The following AMPD3 variants were observed in gnomAD, a reference collection of about 807,000 sequenced individuals.
AMPD3 encodes the protein AMP deaminase 3.
In AMPD3, 57 loss-of-function variants were observed where a neutral mutation model predicts 82.3. The ratio of observed to expected loss-of-function variants is 0.69; its 90% CI spans 0.56 to 0.86. The LOEUF is 0.86. Among genes scored for constraint, AMPD3 ranks in the 40% least tolerant of loss-of-function variants. The pLI, the probability that AMPD3 is intolerant of heterozygous loss-of-function variation, is 0.00. For synonymous variants in AMPD3, 381 were observed against 394.7 expected (o/e 0.97, Z 0.41); for missense variants, 870 against 1,003.8 (o/e 0.87, Z 1.80).
At chr11:10,493,569 G>A (rs373774188) in intron 7 of AMPD3, 26 bp downstream of exon 7, 37 of 1,610,486 alleles carry the variant, frequency 2.3e-5, no homozygotes, top group Admixed American at 1.7e-4. Flanking sequence ...CTCCAGTGCC[G>A]CCAGCAGACA....
intron 1 of AMPD3, among the ~76,000 whole-genome samples, chr11:10,459,741 C>A (rs1848203287): frequency 6.6e-6 from 1 of 151,994 alleles, no homozygotes; most frequent in Non-Finnish European, 1.5e-5. Flanking sequence ...CTGTGAGGAG[C>A]CCCTGCCCGG....
rs1000618173 is a variant in AMPD3, at chr11:10,483,595, C to G, written c.590-1225C>G. ...TGGGCATGAGTATGGGGAAGAGGAG[C>G]AACTTCCGAACATGCAGGCTGTAGC... On this transcript the variant is annotated intron_variant, in intron 4 of 14. Coordinates refer to ENST00000396553, the MANE Select transcript of AMPD3 (RefSeq NM_001025389.2). 2.0e-4 allele frequency among the ~76,000 whole-genome samples: 30 copies of G among 152,334 alleles called. 1 individual carries two copies. The highest frequency in any genetic ancestry group is 1.7e-3 in the Admixed American group (26 of 15,304).
chr11:10,503,774 C>G (rs1206819810), intron 13 of AMPD3, among the ~76,000 whole-genome samples: 2 of 152,142 alleles, frequency 1.3e-5, no homozygotes, highest in African/African-American at 4.8e-5. Context: ...ACTCTTCTAG[C>G]CACTTCTGCA....
rs1848092553 is a variant in AMPD3, at chr11:10,456,330, G to A, written c.-6+882G>A. 1.2e-6 allele frequency: 2 copies of A among 1,612,592 alleles called. No individual in the cohort carries two copies. The highest frequency in any genetic ancestry group is 1.1e-5 in the South Asian group (1 of 90,974). On this transcript the variant is annotated intron_variant, in intron 1 of 14. Coordinates refer to ENST00000396553, the MANE Select transcript of AMPD3 (RefSeq NM_001025389.2). This position sits in a 1 kb window ranked among gnomAD's most constrained non-coding sequence, Gnocchi z 4.3. Reference sequence around the variant, plus strand: ...GCACTGACTCAGCTGAGCCTCCTGGGTGGCAGGCAGCACCTCACCCGGGTG... The same window carrying A: ...GCACTGACTCAGCTGAGCCTCCTGGATGGCAGGCAGCACCTCACCCGGGTG...
At chr11:10,487,505 A>G in intron 6 of AMPD3, 141 bp downstream of exon 6, 2 of 1,159,046 alleles carry the variant, frequency 1.7e-6, no homozygotes, top group Non-Finnish European at 1.3e-6. Flanking sequence ...CCAGAGGGGT[A>G]TGAAGCATAT....
At chr11:10,488,466 TG>T in intron 6 of AMPD3, 12 of 948,312 alleles carry the variant, frequency 1.3e-5, no homozygotes, top group Non-Finnish European at 1.5e-5. Context: ...AGGGATGGTA[TG>T]AGAGAGTCGA....
chr11:10,472,520 C>T (rs1284459926), intron 2 of AMPD3, among the ~76,000 whole-genome samples: 1 of 152,164 alleles, frequency 6.6e-6, no homozygotes, highest in South Asian at 2.1e-4. Flanking sequence ...ACAGCCGCTT[C>T]CCTAGAATGT....
intron 1 of AMPD3, chr11:10,455,868 C>T: frequency 2.0e-6 from 2 of 980,214 alleles, no homozygotes; most frequent in Non-Finnish European, 1.2e-6. Context: ...GTACCTGAGA[C>T]CAATCCCCTT....
chr11:10,498,928 G>A (rs1849498782), intron 10 of AMPD3, among the ~76,000 whole-genome samples: 1 of 152,226 alleles, frequency 6.6e-6, no homozygotes, highest in South Asian at 2.1e-4. Context: ...TCAGCCAGAA[G>A]GCTCCAGTGA....
intron 6 of AMPD3, among the ~76,000 whole-genome samples, chr11:10,492,946 C>T (rs951205956): frequency 4.6e-5 from 7 of 152,094 alleles, no homozygotes; most frequent in Non-Finnish European, 1.5e-5. Flanking sequence ...GTGTGGTGTA[C>T]CCGTAAGTGG....
At chr11:10,487,103 A>G (rs1043737497) in intron 5 of AMPD3, 132 bp from the exon 6 acceptor site, 4 of 1,570,602 alleles carry the variant, frequency 2.5e-6, no homozygotes, top group Non-Finnish European at 3.5e-6. Flanking sequence ...GTAGAAAGCC[A>G]GAACCTCCTC....
chr11:10,463,143 C>G (rs566121221), intron 2 of AMPD3, among the ~76,000 whole-genome samples: 1 of 152,282 alleles, frequency 6.6e-6, no homozygotes, highest in Non-Finnish European at 1.5e-5. Context: ...CCCTCTCCGA[C>G]CTAGTCTGTG....
rs747915114 is a variant in AMPD3 at position 10,502,895 on chromosome 11, G to A, written c.2016+1G>A. ...CCCCATGCAGTTCCACTACACGAAG[G>A]TAAGGACTTTGGGGTGAGGACAGTA... On this transcript the variant is annotated splice_donor_variant, in intron 13 of 14. Transcript: ENST00000396553. LOFTEE classifies it high-confidence loss of function. The A allele has an allele frequency of 1.2e-6, 2 of 1,614,082 alleles. No homozygotes were observed. The highest frequency in any genetic ancestry group is 1.1e-5 in the South Asian group (1 of 91,070).
chr11:10,484,479 G>A (rs1849005146), intron 4 of AMPD3: 1 of 985,194 alleles, frequency 1.0e-6, no homozygotes, highest in Admixed American at 6.2e-5. Flanking sequence ...GGAAAATGAA[G>A]CCCATTTCAG....
intron 12 of AMPD3, 186 bp downstream of exon 12, chr11:10,501,776 A>C: frequency 4.1e-6 from 4 of 985,168 alleles, no homozygotes; most frequent in Non-Finnish European, 4.8e-6. Flanking sequence ...TTTTCCAAAA[A>C]CTGGAGAAAT....
chr11:10,480,534 T>C (rs1591462912), intron 3 of AMPD3, among the ~76,000 whole-genome samples: 1 of 152,210 alleles, frequency 6.6e-6, no homozygotes, highest in Non-Finnish European at 1.5e-5. Flanking sequence ...TACTAAATAC[T>C]ACTTCTTAGT....
At position 10,504,150 on chromosome 11, in the gene AMPD3, TTATC is replaced by T. The variant is rs1405940573; in HGVS notation, c.2017-390_2017-387del. On this transcript the variant is annotated intron_variant, in intron 13 of 14. Coordinates refer to ENST00000396553, the MANE Select transcript of AMPD3 (RefSeq NM_001025389.2). ...TCTATCTATCTATCTATCTATCTAT[TTATC>T]TATCTATCATCTATCTATCTATTGC... 8 of 511,348 alleles carry T rather than the reference TTATC, an allele frequency of 1.6e-5. No homozygotes were observed. The East Asian group carries it at 8.1e-4, about 52-fold the overall frequency. 31.7% of individuals were successfully genotyped at this position (511,348 alleles called of 1,614,324 possible). A position where few individuals can be genotyped will look rare whatever the true frequency, so the allele number is the denominator to read the frequency against.
chr11:10,492,713 G>A (rs11042851), intron 6 of AMPD3, among the ~76,000 whole-genome samples: 22,572 of 152,152 alleles, frequency 0.15, 2,197 homozygotes, highest in African/African-American at 0.28. Flanking sequence ...ACACACAAAC[G>A]TTAGAGTGAT....
At chr11:10,474,175 C>T (rs893034391) in intron 2 of AMPD3, among the ~76,000 whole-genome samples, 3 of 152,188 alleles carry the variant, frequency 2.0e-5, no homozygotes, top group Admixed American at 2.0e-4. Flanking sequence ...TCACAGTCGG[C>T]CCCTGGAGGC....
Sources: allele counts gnomAD v4.1 joint callset (sites outside exome capture counted in the v4.1 genomes callset), GRCh38; gene constraint gnomAD v4.1.1; non-coding constraint Gnocchi (gnomAD v3.1); transcripts MANE v1.5; gene names NCBI Gene and HGNC (gene_info 2026-07-23, HGNC 2026-07-21).